The following ZMIZ1 variants were observed in gnomAD, a reference collection of about 807,000 sequenced individuals.
ZMIZ1 encodes zinc finger MIZ-type containing 1.
A neutral mutation model predicts 113.9 loss-of-function variants in ZMIZ1; 17 were observed. The ratio of observed to expected loss-of-function variants is 0.15; its 90% CI spans 0.10 to 0.22. ZMIZ1 has a LOEUF of 0.22. Among genes scored for constraint, ZMIZ1 ranks in the 10% least tolerant of loss-of-function variants. The pLI, the probability that ZMIZ1 is intolerant of heterozygous loss-of-function variation, is 1.00. For missense variants in ZMIZ1, 1,059 were observed against 1,477.8 expected (o/e 0.72, Z 4.65); for synonymous variants, 607 against 603.1 (o/e 1.01, Z -0.09).
At position 79,148,369 on chromosome 10, in the gene ZMIZ1, G is replaced by A. The variant is rs112829368; in HGVS notation, c.-131+8592G>A. 5.3e-5 allele frequency among the ~76,000 whole-genome samples: 8 copies of A among 152,316 alleles called. 1 individual carries two copies. Among genetic ancestry groups the A allele is most frequent in the African/African-American group, 1.4e-4 (6 of 41,564 alleles). ...CCCTGGGTTCTGAGGAAGCTTAGGC[G>A]TACTTCCCCAGGATAGGCCAACGGC... On this transcript the variant is annotated intron_variant, in intron 3 of 24. Transcript: ENST00000334512.
chr10:79,311,283 GAGGAGGTGGGTGGGCGGTGGGA>G, intron 24 of ZMIZ1, 99 bp downstream of exon 24: 2 of 812,128 alleles, frequency 2.5e-6, no homozygotes, highest in Non-Finnish European at 3.5e-6. Flanking sequence ...GCCCCGAAGG[GAGGAGGTGGGTGGGCGGTGGGA>G]GGGCTTCACC....
At chr10:79,115,028 C>T (rs148380548) in intron 1 of ZMIZ1, among the ~76,000 whole-genome samples, 30 of 152,346 alleles carry the variant, frequency 2.0e-4, no homozygotes, top group African/African-American at 6.7e-4. Context: ...GGGGAAAGGC[C>T]TGGGAAGTTG....
chr10:79,221,269 C>CGT (rs1366825789), intron 7 of ZMIZ1, among the ~76,000 whole-genome samples: 3 of 149,282 alleles, frequency 2.0e-5, no homozygotes, highest in Non-Finnish European at 3.0e-5. Flanking sequence ...TGCATGCATG[C>CGT]GTGTGTGTGT....
intron 6 of ZMIZ1, among the ~76,000 whole-genome samples, chr10:79,212,826 A>C (rs552984068): frequency 1.3e-5 from 2 of 151,956 alleles, no homozygotes; most frequent in African/African-American, 4.8e-5. Context: ...GCTGGTCTTG[A>C]ACTCTTGGGT....
chr10:79,246,841 G>A (rs953317390), intron 7 of ZMIZ1, among the ~76,000 whole-genome samples: 1 of 152,194 alleles, frequency 6.6e-6, no homozygotes, highest in African/African-American at 2.4e-5. Context: ...AGGGAAGGAA[G>A]GCCAGCCCAC....
rs558369957 is a variant in ZMIZ1, at chr10:79,296,711, C to T, written c.1413+58C>T. ...CCCTTCCCTCCTAACCACCTCACTC[C>T]CCTAACTCCACCGGGATCACTCTGA... is the stretch of plus-strand genomic sequence containing the variant. On this transcript the variant is annotated intron_variant, in intron 13 of 24. Coordinates refer to ENST00000334512, the MANE Select transcript of ZMIZ1 (RefSeq NM_020338.4). The surrounding 1 kb of genome is among the most constrained non-coding windows in gnomAD (Gnocchi z 4.1). 1.7e-5 allele frequency: 25 copies of T among 1,470,166 alleles called. No individual in the cohort carries two copies. In the Admixed American group the frequency reaches 5.6e-4, roughly 33 times the overall value. The allele number at this position is 1,470,166 out of a possible 1,614,324, so 91.1% of individuals were successfully genotyped here.
At chr10:79,311,304 G>GGGGGGGGGGGGC in intron 24 of ZMIZ1, 120 bp downstream of exon 24, 5 of 359,152 alleles carry the variant, frequency 1.4e-5, no homozygotes, top group Non-Finnish European at 2.7e-5. Flanking sequence ...TGGGCGGTGG[G>GGGGGGGGGGGGC]AGGGCTTCAC....
chr10:79,164,155 G>A (rs910309677), intron 4 of ZMIZ1, among the ~76,000 whole-genome samples: 4 of 152,182 alleles, frequency 2.6e-5, no homozygotes, highest in Admixed American at 6.5e-5. Flanking sequence ...GTGAACATGC[G>A]GCCTTCTCTC....
chr10:79,082,886 T>C (rs1842702926), intron 1 of ZMIZ1, among the ~76,000 whole-genome samples: 1 of 152,192 alleles, frequency 6.6e-6, no homozygotes, highest in South Asian at 2.1e-4. Context: ...GCTTCCTGGC[T>C]GGGCTTGAGT....
chr10:79,301,411 G>A (rs949046973), intron 17 of ZMIZ1, among the ~76,000 whole-genome samples: 7 of 152,082 alleles, frequency 4.6e-5, no homozygotes, highest in Middle Eastern at 3.4e-3. Flanking sequence ...TTAGAGTCAC[G>A]TATGGGGGTC....
At chr10:79,244,385 G>A (rs374182966) in intron 7 of ZMIZ1, among the ~76,000 whole-genome samples, 16 of 152,328 alleles carry the variant, frequency 1.1e-4, no homozygotes, top group East Asian at 7.7e-4. Flanking sequence ...CCCCTTGATA[G>A]GGACTAAGAG....
chr10:79,263,404 A>G (rs1304650768), intron 7 of ZMIZ1, among the ~76,000 whole-genome samples: 2 of 152,180 alleles, frequency 1.3e-5, no homozygotes, highest in Non-Finnish European at 2.9e-5. Flanking sequence ...GTTGGAGGTG[A>G]GATGGTAGAG....
At chr10:79,170,701 C>A (rs1564696221) in intron 4 of ZMIZ1, among the ~76,000 whole-genome samples, 2 of 152,216 alleles carry the variant, frequency 1.3e-5, no homozygotes, top group Admixed American at 1.3e-4. Flanking sequence ...AAGCCTGCAG[C>A]ATTGGAACTG....
At chr10:79,245,659 C>T (rs939970943) in intron 7 of ZMIZ1, among the ~76,000 whole-genome samples, 7 of 152,212 alleles carry the variant, frequency 4.6e-5, no homozygotes, top group Non-Finnish European at 1.0e-4. Context: ...GAGAAAGGTG[C>T]TTCCACAGAG....
chr10:79,095,879 G>A (rs889098367), intron 1 of ZMIZ1, among the ~76,000 whole-genome samples: 13 of 152,206 alleles, frequency 8.5e-5, no homozygotes, highest in African/African-American at 2.2e-4. Context: ...AGACAGCAGC[G>A]CTAAAGGCAC....
At chr10:79,193,829 C>T (rs755421667) in intron 4 of ZMIZ1, among the ~76,000 whole-genome samples, 5 of 152,160 alleles carry the variant, frequency 3.3e-5, no homozygotes, top group African/African-American at 4.8e-5. Context: ...GAGCACAGTC[C>T]GGGAGGCAGG....
intron 1 of ZMIZ1, among the ~76,000 whole-genome samples, chr10:79,078,570 C>CTTTTTTTTT: frequency 1.1e-5 from 1 of 87,812 alleles, no homozygotes; most frequent in Non-Finnish European, 2.1e-5. Flanking sequence ...CCACCCCCGA[C>CTTTTTTTTT]TTTTTTTTTT....
In ZMIZ1 at chr10:79,296,453, C is replaced by T; in HGVS notation, c.1231-18C>T. On this transcript the variant is annotated intron_variant, in intron 12 of 24. Transcript: ENST00000334512. This position sits in a 1 kb window ranked among gnomAD's most constrained non-coding sequence, Gnocchi z 4.1. Reference sequence around the variant, plus strand: ...CAACATTGAACGTGTTTCCCCTCTCCTTTCTCTCCCACCACAGCCCAACTA... The same window carrying T: ...CAACATTGAACGTGTTTCCCCTCTCTTTTCTCTCCCACCACAGCCCAACTA... The T allele has an allele frequency of 1.9e-6, 3 of 1,613,658 alleles. No individual in the cohort carries two copies. The highest frequency in any genetic ancestry group is 2.5e-6 in the Non-Finnish European group (3 of 1,179,748).
chr10:79,201,686 C>G lies in ZMIZ1; in HGVS notation c.54C>G (p.Ile18Met). ...IQQTNDRLQC[I>M]KQHLQNPANF... ...AGACCAATGACCGACTGCAGTGCATCAAGCAGGTGGGTGTGGGGCAAGGCA... is the reference window on the plus strand; with the variant it reads ...AGACCAATGACCGACTGCAGTGCATGAAGCAGGTGGGTGTGGGGCAAGGCA... Residue 18 changes from isoleucine (I) to methionine (M), a missense_variant, in exon 5 of 25, where the codon ATC becomes ATG. Ile to Met is a conservative substitution (Grantham distance 10). Transcript: ENST00000334512. 1 of 1,613,252 alleles carries G rather than the reference C, an allele frequency of 6.2e-7. No individual in the cohort carries two copies. The highest frequency in any genetic ancestry group is 1.3e-5 in the African/African-American group (1 of 75,054).
Sources: allele counts gnomAD v4.1 joint callset (sites outside exome capture counted in the v4.1 genomes callset), GRCh38; gene constraint gnomAD v4.1.1; non-coding constraint Gnocchi (gnomAD v3.1); transcripts MANE v1.5; gene names NCBI Gene and HGNC (gene_info 2026-07-23, HGNC 2026-07-21).